Variants in FHIT observed in about 807,000 individuals in gnomAD.
FHIT encodes the protein fragile histidine triad diadenosine triphosphatase, also known as bis(5'-adenosyl)-triphosphatase.
Under a neutral mutation model 17.9 loss-of-function variants are expected in FHIT, and 19 were observed. The ratio of observed to expected loss-of-function variants is 1.06; its 90% CI spans 0.74 to 1.56. FHIT has a LOEUF of 1.56. Among genes scored for constraint, FHIT ranks in the 40% most tolerant of loss-of-function variants. The pLI, the probability that FHIT is intolerant of heterozygous loss-of-function variation, is 0.00. For missense variants in FHIT, 248 were observed against 189.2 expected (o/e 1.31, Z -1.82); for synonymous variants, 81 against 69.7 (o/e 1.16, Z -0.81).
chr3:60,732,539 G>T (rs939114920), intron 4 of FHIT: 6 of 653,464 alleles, frequency 9.2e-6, no homozygotes, highest in Non-Finnish European at 1.8e-5. Flanking sequence ...AAAGTTTTCT[G>T]CTGTCTTTGG....
chr3:60,184,267 T>C (rs1290381255), intron 5 of FHIT, among the ~76,000 whole-genome samples: 1 of 152,132 alleles, frequency 6.6e-6, no homozygotes, highest in African/African-American at 2.4e-5. Context: ...AAAGCCTCTA[T>C]TTTATTGGGA....
At chr3:60,178,953 C>T (rs563899760) in intron 5 of FHIT, among the ~76,000 whole-genome samples, 1 of 152,126 alleles carries the variant, frequency 6.6e-6, no homozygotes, top group South Asian at 2.1e-4. Context: ...ATACGTATTA[C>T]CATCTCATAT....
chr3:60,660,062 TC>T (rs2040204226), intron 4 of FHIT, among the ~76,000 whole-genome samples: 1 of 152,160 alleles, frequency 6.6e-6, no homozygotes, highest in Non-Finnish European at 1.5e-5. Flanking sequence ...CTTTCTAATT[TC>T]CCATGTATAT....
chr3:60,776,204 G>C (rs1288701205), intron 4 of FHIT, among the ~76,000 whole-genome samples: 2 of 152,076 alleles, frequency 1.3e-5, no homozygotes, highest in Non-Finnish European at 2.9e-5. Context: ...TTGAGAGGAT[G>C]AACCCTGTAA....
chr3:60,463,842 T>C (rs2032625490), intron 5 of FHIT, among the ~76,000 whole-genome samples: 1 of 152,210 alleles, frequency 6.6e-6, no homozygotes, highest in South Asian at 2.1e-4. Context: ...TGTGGTAAGA[T>C]TAAATAATTG....
intron 7 of FHIT, among the ~76,000 whole-genome samples, chr3:60,000,321 C>T (rs1013189337): frequency 1.3e-5 from 2 of 152,192 alleles, no homozygotes; most frequent in Non-Finnish European, 2.9e-5. Context: ...CAAATTTGGC[C>T]CACCATCTGC....
At chr3:60,081,674 G>A (rs1036321652) in intron 5 of FHIT, among the ~76,000 whole-genome samples, 21 of 152,098 alleles carry the variant, frequency 1.4e-4, no homozygotes, top group East Asian at 3.9e-4. Flanking sequence ...ATTATGCTGC[G>A]GTTTATTAAC....
At chr3:60,874,300 C>T (rs1321787769) in intron 3 of FHIT, among the ~76,000 whole-genome samples, 1 of 152,140 alleles carries the variant, frequency 6.6e-6, no homozygotes, top group African/African-American at 2.4e-5. Context: ...CAACACTCCT[C>T]AAAGAAAACA....
chr3:59,920,950 T>A (rs775273414), intron 8 of FHIT, among the ~76,000 whole-genome samples: 6 of 152,184 alleles, frequency 3.9e-5, no homozygotes, highest in African/African-American at 9.7e-5. Flanking sequence ...GATTTCCTTA[T>A]ACAATGACTG....
At chr3:60,249,184 T>C (rs1043311429) in intron 5 of FHIT, among the ~76,000 whole-genome samples, 1 of 152,144 alleles carries the variant, frequency 6.6e-6, no homozygotes, top group African/African-American at 2.4e-5. Flanking sequence ...AAGGCAGGGG[T>C]AGAATTTTTG....
intron 4 of FHIT, among the ~76,000 whole-genome samples, chr3:60,579,412 C>T (rs9845479): frequency 0.28 from 42,175 of 151,950 alleles, 6,253 homozygotes; most frequent in Non-Finnish European, 0.33. Flanking sequence ...TACTCTACCA[C>T]TGATCAAAAT....
At chr3:60,197,444 A>G (rs947804799) in intron 5 of FHIT, among the ~76,000 whole-genome samples, 10 of 152,238 alleles carry the variant, frequency 6.6e-5, no homozygotes, top group African/African-American at 2.4e-4. Flanking sequence ...GCCTTGCATT[A>G]TATTTATTTT....
intron 4 of FHIT, among the ~76,000 whole-genome samples, chr3:60,753,378 T>C (rs1393069951): frequency 6.6e-6 from 1 of 152,256 alleles, no homozygotes; most frequent in African/African-American, 2.4e-5. Context: ...GAAACATTCA[T>C]GTCCAGAACA....
chr3:61,198,550 A>G (rs12492742), intron 2 of FHIT, among the ~76,000 whole-genome samples: 28,851 of 151,892 alleles, frequency 0.19, 3,145 homozygotes, highest in East Asian at 0.43. Context: ...GGTTCCCTCT[A>G]TACTACCAAG....
intron 3 of FHIT, among the ~76,000 whole-genome samples, chr3:61,004,201 A>C (rs2031289920): frequency 6.6e-6 from 1 of 152,206 alleles, no homozygotes; most frequent in South Asian, 2.1e-4. Context: ...ATATCTGTTG[A>C]GACTGATAAA....
intron 5 of FHIT, among the ~76,000 whole-genome samples, chr3:60,287,120 C>CAAAA (rs2107658848): frequency 6.6e-6 from 1 of 152,262 alleles, no homozygotes; most frequent in East Asian, 1.9e-4. Flanking sequence ...TAAAATGCAA[C>CAAAA]AATATCATCT....
chr3:60,172,496 G>C (rs1701465882), intron 5 of FHIT, among the ~76,000 whole-genome samples: 2 of 150,682 alleles, frequency 1.3e-5, no homozygotes, highest in Admixed American at 1.3e-4. Flanking sequence ...GGCTGGTCTC[G>C]AACTCCCAAC....
rs1480100661 is a variant in FHIT, at chr3:60,811,369, G to A, written c.-18+10550C>T. 2.0e-5 allele frequency among the ~76,000 whole-genome samples: 3 copies of A among 152,122 alleles called. No individual in the cohort carries two copies. The East Asian group carries it at 5.8e-4, about 29-fold the overall frequency. On this transcript the variant is annotated intron_variant, in intron 4 of 9. Coordinates refer to ENST00000492590, the MANE Select transcript of FHIT (RefSeq NM_002012.4). ...TCTCGAAATAAGAAGGGTTCTTAGA[G>A]GTCATATGAGGAATTTCTGACATTT...
At chr3:60,349,446 A>G (rs73107022) in intron 5 of FHIT, among the ~76,000 whole-genome samples, 21,799 of 152,196 alleles carry the variant, frequency 0.14, 1,665 homozygotes, top group Non-Finnish European at 0.16. Context: ...GGATTTCCAG[A>G]TGTTTTCTGG....
Sources: allele counts gnomAD v4.1 joint callset (sites outside exome capture counted in the v4.1 genomes callset), GRCh38; gene constraint gnomAD v4.1.1; transcripts MANE v1.5; gene names NCBI Gene and HGNC (gene_info 2026-07-23, HGNC 2026-07-21).